Variants in CASR observed in about 807,000 individuals in gnomAD.
CASR encodes extracellular calcium-sensing receptor.
A neutral mutation model predicts 69.1 loss-of-function variants in CASR; 23 were observed. That is an observed-to-expected ratio of 0.33 (90% CI 0.24 to 0.47). The LOEUF (loss-of-function observed/expected upper bound fraction) is 0.47, where lower values mean the gene tolerates loss of function less well. Ranked by LOEUF, CASR falls within the 20% of genes least tolerant of loss-of-function variation. The probability of loss-of-function intolerance (pLI) is 1.00; values close to 1 mark genes in which losing one functional copy is unlikely to be tolerated. For synonymous variants in CASR, 541 were observed against 544.7 expected, an observed-to-expected ratio of 0.99 and a Z score of 0.10; for missense variants, 924 against 1,356.1, an observed-to-expected ratio of 0.68 and a Z score of 5.00.
At chr3:122,246,680 T>C (rs1363761693) in intron 1 of CASR, 1 of 152,216 alleles carries the variant, frequency 6.6e-6, no homozygotes, top group Non-Finnish European at 1.5e-5. Flanking sequence ...TGTTAAACCA[T>C]TGGTAGCTTG....
chr3:122,280,316 C>T (rs1468055224), intron 5 of CASR, among the ~76,000 whole-genome samples: 5 of 152,206 alleles, frequency 3.3e-5, no homozygotes, highest in African/African-American at 1.2e-4. Flanking sequence ...TGCCCGCTCT[C>T]ACCACTCTTA....
At chr3:122,217,199 G>A (rs570396027) in intron 1 of CASR, among the ~76,000 whole-genome samples, 21 of 151,372 alleles carry the variant, frequency 1.4e-4, no homozygotes, top group African/African-American at 4.1e-4. Context: ...TCCATCTCCC[G>A]GGCTCAAGCC....
chr3:122,266,799 T>C (rs1046122949), intron 4 of CASR, among the ~76,000 whole-genome samples: 3 of 152,088 alleles, frequency 2.0e-5, no homozygotes, highest in Admixed American at 6.5e-5. Flanking sequence ...GGTCAGAAGT[T>C]CGAGACCAGC....
At chr3:122,201,906 C>A (rs976511880) in intron 1 of CASR, among the ~76,000 whole-genome samples, 9 of 151,594 alleles carry the variant, frequency 5.9e-5, no homozygotes, top group African/African-American at 1.9e-4. Flanking sequence ...GGGATGGCGG[C>A]CGGGCAGAGA....
chr3:122,286,489 ATAT>A lies in CASR; in HGVS notation c.*1304_*1306del, dbSNP rs2074971291. 6.6e-6 allele frequency: 1 copy of A among 152,242 alleles called. No individual in the cohort carries two copies. Among genetic ancestry groups the A allele is most frequent in the African/African-American group, 2.4e-5 (1 of 41,468 alleles). 9.4% of individuals were successfully genotyped at this position (152,242 alleles called of 1,614,324 possible). A position where few individuals can be genotyped will look rare whatever the true frequency, so the allele number is the denominator to read the frequency against. On this transcript the variant is annotated 3_prime_UTR_variant, in exon 7 of 7. Coordinates refer to ENST00000639785, the MANE Select transcript of CASR (RefSeq NM_000388.4). ...ATAAGCATTCAATAAATATTAGTTA[ATAT>A]TATTACTGATACTGTAATAATTATT...
Position 122,254,050 on chromosome 3 carries a change from C to A in CASR, c.-140C>A. On this transcript the variant is annotated 5_prime_UTR_variant, in exon 2 of 7. Transcript: ENST00000639785. ...GAAGGCAGAAATGGAGATTCAAACA[C>A]CACGTCTTCTATTATTTTATTAATC... 1 of 836,084 alleles carries A rather than the reference C, an allele frequency of 1.2e-6. No individual in the cohort carries two copies. The highest frequency in any genetic ancestry group is 2.1e-6 in the Non-Finnish European group (1 of 486,658). The allele number at this position is 836,084 out of a possible 1,614,324, so 51.8% of individuals were successfully genotyped here. A position where few individuals can be genotyped will look rare whatever the true frequency, so the allele number is the denominator to read the frequency against.
chr3:122,254,200 A>G lies in CASR; in HGVS notation c.11A>G (p.Tyr4Cys), dbSNP rs1171102282. 5.6e-6 allele frequency: 9 copies of G among 1,613,048 alleles called. No individual in the cohort carries two copies. The highest frequency in any genetic ancestry group is 2.2e-5 in the East Asian group (1 of 44,894). MAF[Y>C]SCCWVLLALT... ...AGAGACGGCAGAACCATGGCATTTT[A>G]TAGCTGCTGCTGGGTCCTCTTGGCA... Residue 4 changes from tyrosine to cysteine, a missense_variant, in exon 2 of 7, where the codon TAT becomes TGT. Physicochemically the swap from Tyr to Cys is radical, Grantham distance 194 (BLOSUM62 -2). Coordinates refer to ENST00000639785, the MANE Select transcript of CASR (RefSeq NM_000388.4).
intron 6 of CASR, 150 bp downstream of exon 6, chr3:122,282,386 C>T: frequency 1.3e-6 from 1 of 785,088 alleles, no homozygotes; most frequent in East Asian, 2.6e-5. Context: ...AAATGTTGGG[C>T]ATGGAGGTGG....
intron 1 of CASR, among the ~76,000 whole-genome samples, chr3:122,230,854 C>A (rs2074271873): frequency 6.6e-6 from 1 of 152,234 alleles, no homozygotes; most frequent in African/African-American, 2.4e-5. Flanking sequence ...CTGTCCCCTC[C>A]ACTAGACTTC....
chr3:122,260,773 T>C (rs1464848025), intron 3 of CASR, among the ~76,000 whole-genome samples: 1 of 152,198 alleles, frequency 6.6e-6, no homozygotes, highest in African/African-American at 2.4e-5. Flanking sequence ...TCTGATGATA[T>C]TTAATTACAT....
chr3:122,191,046 T>TGTC (rs1213560787), intron 1 of CASR, among the ~76,000 whole-genome samples: 1 of 152,216 alleles, frequency 6.6e-6, no homozygotes, highest in Non-Finnish European at 1.5e-5. Context: ...ACTCAAAGGA[T>TGTC]GTCCACCAGC....
intron 1 of CASR, among the ~76,000 whole-genome samples, chr3:122,228,741 C>G (rs992479675): frequency 1.3e-5 from 2 of 152,176 alleles, no homozygotes; most frequent in African/African-American, 4.8e-5. Context: ...GGCTTATCCC[C>G]CATTACATTT....
rs184661959 is a variant in CASR, at chr3:122,260,606, G to A, written c.493-922G>A. Among the ~76,000 whole-genome samples the A allele has an allele frequency of 3.0e-3, 464 of 152,196 alleles. 2 individuals carry two copies. The highest frequency in any genetic ancestry group is 0.01 in the Middle Eastern group (3 of 294). Reference sequence around the variant, plus strand: ...GGGTCTGCTAACAATGAGTTAATGGGTGCAGCACACCAACATGGCACATGT... The same window carrying A: ...GGGTCTGCTAACAATGAGTTAATGGATGCAGCACACCAACATGGCACATGT... On this transcript the variant is annotated intron_variant, in intron 3 of 6. Coordinates refer to ENST00000639785, the MANE Select transcript of CASR (RefSeq NM_000388.4).
intron 1 of CASR, among the ~76,000 whole-genome samples, chr3:122,233,363 T>C (rs749920791): frequency 6.6e-6 from 1 of 152,228 alleles, no homozygotes; most frequent in Non-Finnish European, 1.5e-5. Context: ...TCCTGGTGTC[T>C]CTCTTGTCTC....
At chr3:122,246,682 G>A (rs1302817076) in intron 1 of CASR, 2 of 152,142 alleles carry the variant, frequency 1.3e-5, no homozygotes, top group African/African-American at 4.8e-5. Flanking sequence ...TTAAACCATT[G>A]GTAGCTTGAA....
At chr3:122,222,369 C>T (rs2074180258) in intron 1 of CASR, among the ~76,000 whole-genome samples, 1 of 151,984 alleles carries the variant, frequency 6.6e-6, no homozygotes, top group Non-Finnish European at 1.5e-5. Flanking sequence ...GGAGGATATC[C>T]GTTGAGCACA....
chr3:122,195,643 A>G (rs2073882529), intron 1 of CASR, among the ~76,000 whole-genome samples: 1 of 152,214 alleles, frequency 6.6e-6, no homozygotes, highest in South Asian at 2.1e-4. Flanking sequence ...GTTTAATCCT[A>G]TCAAAAATTT....
chr3:122,190,263 A>G (rs541390964), intron 1 of CASR, among the ~76,000 whole-genome samples: 1 of 152,316 alleles, frequency 6.6e-6, no homozygotes, highest in Non-Finnish European at 1.5e-5. Context: ...TTGTCGATTA[A>G]GAGATTCGGG....
At chr3:122,184,013 C>T (rs143582550) in intron 1 of CASR, among the ~76,000 whole-genome samples, 1 of 152,114 alleles carries the variant, frequency 6.6e-6, no homozygotes, top group Non-Finnish European at 1.5e-5. Context: ...ACCCCTGGCT[C>T]GGCACGGGAG....
Sources: allele counts gnomAD v4.1 joint callset (sites outside exome capture counted in the v4.1 genomes callset), GRCh38; gene constraint gnomAD v4.1.1; transcripts MANE v1.5; gene names NCBI Gene and HGNC (gene_info 2026-07-23, HGNC 2026-07-21).